TIAM1: variants seen among roughly 807,000 people sequenced by gnomAD.
The protein encoded by TIAM1 is TIAM Rac1 associated GEF 1.
TIAM1 carries 65 observed loss-of-function variants against 163.5 expected under a neutral mutation model. The ratio of observed to expected loss-of-function variants is 0.40; its 90% CI spans 0.33 to 0.49. The LOEUF (loss-of-function observed/expected upper bound fraction) is 0.49. TIAM1 is among the 20% of genes least tolerant of loss of function. TIAM1 has a pLI of 0.77. For missense variants in TIAM1, 1,789 were observed against 2,044.7 expected (o/e 0.87, Z 2.41); for synonymous variants, 833 against 810.1 (o/e 1.03, Z -0.48).
At chr21:31,125,809 A>C (rs756417666) in intron 26 of TIAM1, among the ~76,000 whole-genome samples, 2 of 152,192 alleles carry the variant, frequency 1.3e-5, no homozygotes, top group Admixed American at 6.5e-5. Flanking sequence ...TCCTGACCTC[A>C]AGTGATCCGC....
chr21:31,547,047 C>T (rs1480284294), intron 1 of TIAM1, among the ~76,000 whole-genome samples: 1 of 152,148 alleles, frequency 6.6e-6, no homozygotes, highest in Non-Finnish European at 1.5e-5. Flanking sequence ...CTCATAAATT[C>T]ACTTTTCCTG....
chr21:31,405,241 G>A (rs542069329), intron 2 of TIAM1, among the ~76,000 whole-genome samples: 62 of 152,210 alleles, frequency 4.1e-4, no homozygotes, highest in African/African-American at 1.4e-3. Flanking sequence ...GGGCAAGACC[G>A]TGTCTCAAAA....
At chr21:31,546,187 T>A (rs1217421778) in intron 1 of TIAM1, among the ~76,000 whole-genome samples, 13 of 144,828 alleles carry the variant, frequency 9.0e-5, no homozygotes, top group Non-Finnish European at 1.5e-4. Context: ...ATTTGTAATT[T>A]AAAAAAAAAA....
At chr21:31,325,485 C>T (rs1164164939) in intron 2 of TIAM1, among the ~76,000 whole-genome samples, 2 of 151,736 alleles carry the variant, frequency 1.3e-5, no homozygotes, top group Non-Finnish European at 2.9e-5. Flanking sequence ...CTGGCCAACA[C>T]GGCAAAACCC....
chr21:31,253,232 A>AAG (rs1358145091), intron 4 of TIAM1, among the ~76,000 whole-genome samples: 5 of 152,244 alleles, frequency 3.3e-5, no homozygotes, highest in African/African-American at 1.2e-4. Context: ...TTCTCCAAGG[A>AAG]AGAGAACGGG....
At chr21:31,282,299 C>T (rs777166345) in intron 2 of TIAM1, among the ~76,000 whole-genome samples, 1 of 152,194 alleles carries the variant, frequency 6.6e-6, no homozygotes, top group Non-Finnish European at 1.5e-5. Flanking sequence ...GGCTCAGTGA[C>T]AAATTTCATA....
At chr21:31,179,273 G>C (rs1446306237) in intron 15 of TIAM1, among the ~76,000 whole-genome samples, 2 of 151,730 alleles carry the variant, frequency 1.3e-5, no homozygotes, top group South Asian at 2.1e-4. Flanking sequence ...TATAATCCCA[G>C]CTACTCAAGA....
At chr21:31,545,990 A>T (rs912404560) in intron 1 of TIAM1, among the ~76,000 whole-genome samples, 1 of 152,168 alleles carries the variant, frequency 6.6e-6, no homozygotes, top group African/African-American at 2.4e-5. Context: ...TCATCACAAA[A>T]TCTTTCAAAG....
chr21:31,398,485 G>A (rs536011198), intron 2 of TIAM1, among the ~76,000 whole-genome samples: 1 of 152,310 alleles, frequency 6.6e-6, no homozygotes, highest in African/African-American at 2.4e-5. Context: ...GCCATGGGAA[G>A]TAGCCCACAT....
intron 6 of TIAM1, among the ~76,000 whole-genome samples, chr21:31,235,881 C>T (rs2146679689): frequency 6.6e-6 from 1 of 152,290 alleles, no homozygotes; most frequent in African/African-American, 2.4e-5. Context: ...TAGCTGATTT[C>T]CAGCCTTGTA....
At chr21:31,207,035 G>A (rs1485316401) in intron 11 of TIAM1, among the ~76,000 whole-genome samples, 1 of 152,132 alleles carries the variant, frequency 6.6e-6, no homozygotes, top group Non-Finnish European at 1.5e-5. Flanking sequence ...AATGGTTATA[G>A]CATATCCAAA....
rs73899655 is a variant in TIAM1 at position 31,124,811 on chromosome 21, G to A, written c.4134-117C>T. 2.4e-3 allele frequency: 1,982 copies of A among 817,798 alleles called. 30 individuals carry two copies. The African/African-American group carries it at 0.032, about 13-fold the overall frequency. The allele number at this position is 817,798 out of a possible 1,614,324, so 50.7% of individuals were successfully genotyped here. The stretch of plus-strand genomic sequence containing the variant: ...TTAGGGCCAAAGGCTAAAGACTGAG[G>A]CCTTGACTCCAATTTCTATGCTGAG... On this transcript the variant is annotated intron_variant, in intron 26 of 27. Transcript: ENST00000541036.
intron 24 of TIAM1, 125 bp from the exon 25 acceptor site, chr21:31,130,440 C>T: frequency 2.9e-6 from 2 of 695,260 alleles, no homozygotes; most frequent in Admixed American, 2.5e-5. Context: ...AGGATCTTCA[C>T]CCCCATGAGC....
chr21:31,414,617 T>C (rs1433167972), intron 2 of TIAM1, among the ~76,000 whole-genome samples: 1 of 152,138 alleles, frequency 6.6e-6, no homozygotes, highest in Non-Finnish European at 1.5e-5. Context: ...AACTAAAATA[T>C]TAAAGAGTGT....
intron 2 of TIAM1, among the ~76,000 whole-genome samples, chr21:31,365,962 C>T (rs994755072): frequency 4.0e-5 from 6 of 151,526 alleles, no homozygotes; most frequent in Non-Finnish European, 8.8e-5. Context: ...ATTAGCTGCA[C>T]CTATAGTCCC....
intron 15 of TIAM1, among the ~76,000 whole-genome samples, chr21:31,169,337 G>C (rs1351115398): frequency 7.0e-6 from 1 of 143,688 alleles, no homozygotes; most frequent in Non-Finnish European, 1.6e-5. Context: ...AGAAGAAAGA[G>C]ATAATTTCAA....
At chr21:31,190,558 A>C (rs1216241562) in intron 13 of TIAM1, among the ~76,000 whole-genome samples, 1 of 152,220 alleles carries the variant, frequency 6.6e-6, no homozygotes, top group Non-Finnish European at 1.5e-5. Flanking sequence ...ACAGGCACCT[A>C]TAACATGAGG....
intron 1 of TIAM1, among the ~76,000 whole-genome samples, chr21:31,554,592 G>A (rs1223056742): frequency 6.6e-6 from 1 of 152,196 alleles, no homozygotes; most frequent in East Asian, 1.9e-4. Flanking sequence ...AACTGAGATT[G>A]TGCTCAGCTG....
At chr21:31,404,540 T>C (rs1490456408) in intron 2 of TIAM1, among the ~76,000 whole-genome samples, 1 of 151,924 alleles carries the variant, frequency 6.6e-6, no homozygotes, top group Non-Finnish European at 1.5e-5. Flanking sequence ...TATGGTCTTT[T>C]TTTTTTTTTT....
Sources: allele counts gnomAD v4.1 joint callset (sites outside exome capture counted in the v4.1 genomes callset), GRCh38; gene constraint gnomAD v4.1.1; transcripts MANE v1.5; gene names NCBI Gene and HGNC (gene_info 2026-07-23, HGNC 2026-07-21).